Variants in CTIF observed in about 807,000 individuals in gnomAD.
The protein encoded by CTIF is CBP80/20-dependent translation initiation factor.
CTIF carries 21 observed loss-of-function variants against 66.0 expected under a neutral mutation model. The observed-to-expected ratio is 0.32, with a 90% CI of 0.23 to 0.46. The LOEUF (loss-of-function observed/expected upper bound fraction) is 0.46. Among genes scored for constraint, CTIF ranks in the 20% least tolerant of loss-of-function variants. The pLI is 1.00. For missense variants in CTIF, 739 were observed against 812.7 expected, an observed-to-expected ratio of 0.91 and a Z score of 1.10; for synonymous variants, 345 against 326.4, an observed-to-expected ratio of 1.06 and a Z score of -0.62.
chr18:48,609,980 GC>G (rs1047042442), intron 1 of CTIF, among the ~76,000 whole-genome samples: 6 of 152,126 alleles, frequency 3.9e-5, no homozygotes, highest in African/African-American at 1.4e-4. Context: ...CTGGAGGAAA[GC>G]CCGGGCCCAT....
intron 9 of CTIF, among the ~76,000 whole-genome samples, chr18:48,791,612 A>G (rs1469820449): frequency 1.4e-4 from 21 of 151,980 alleles, no homozygotes; most frequent in Admixed American, 1.4e-3. Context: ...GCTTGCCCAG[A>G]GACCCTGAGG....
intron 11 of CTIF, 25 bp from the exon 12 acceptor site, chr18:48,859,319 C>T (rs748012742): frequency 6.2e-7 from 1 of 1,610,428 alleles, no homozygotes; most frequent in Non-Finnish European, 8.5e-7. Context: ...CCGAGGCCAT[C>T]CTAACCCCAC....
At chr18:48,744,882 G>A (rs1316721698) in intron 7 of CTIF, among the ~76,000 whole-genome samples, 2 of 151,142 alleles carry the variant, frequency 1.3e-5, no homozygotes, top group Non-Finnish European at 2.9e-5. Context: ...GAGTGCAGTG[G>A]CGCAATCTTG....
At chr18:48,806,751 A>G (rs544723607) in intron 9 of CTIF, among the ~76,000 whole-genome samples, 23 of 152,326 alleles carry the variant, frequency 1.5e-4, no homozygotes, top group African/African-American at 5.0e-4. Flanking sequence ...CCACCATGCC[A>G]GAGCTCATGT....
chr18:48,614,396 G>A (rs575856922), intron 1 of CTIF, among the ~76,000 whole-genome samples: 1 of 152,306 alleles, frequency 6.6e-6, no homozygotes, highest in East Asian at 1.9e-4. Context: ...AGGGATCGTT[G>A]TACACTCATA....
chr18:48,563,679 C>G (rs1240465616), intron 1 of CTIF, among the ~76,000 whole-genome samples: 4 of 152,218 alleles, frequency 2.6e-5, no homozygotes, highest in African/African-American at 7.2e-5. Flanking sequence ...GCCATGTTGG[C>G]CAGGCTGGTC....
At chr18:48,840,523 G>A (rs937182514) in intron 10 of CTIF, among the ~76,000 whole-genome samples, 1 of 152,154 alleles carries the variant, frequency 6.6e-6, no homozygotes, top group African/African-American at 2.4e-5. Context: ...CAAACTTCCA[G>A]GTGCCAATTA....
intron 7 of CTIF, among the ~76,000 whole-genome samples, chr18:48,746,082 G>A (rs868447233): frequency 4.6e-5 from 7 of 152,344 alleles, no homozygotes; most frequent in Middle Eastern, 3.4e-3. Context: ...GGCGGCTGGC[G>A]GCGTTCTCCG....
chr18:48,856,568 TAGTC>T (rs769348734), intron 10 of CTIF, among the ~76,000 whole-genome samples: 67 of 152,350 alleles, frequency 4.4e-4, no homozygotes, highest in Non-Finnish European at 8.2e-4. Flanking sequence ...AATGGAATAT[TAGTC>T]AGCCACAGAA....
At chr18:48,720,984 C>T (rs143162601) in intron 7 of CTIF, among the ~76,000 whole-genome samples, 44 of 152,326 alleles carry the variant, frequency 2.9e-4, no homozygotes, top group African/African-American at 8.7e-4. Context: ...CCCACATCCA[C>T]GCGGGGGACA....
chr18:48,734,639 G>A (rs1022191072), intron 7 of CTIF, among the ~76,000 whole-genome samples: 8 of 152,188 alleles, frequency 5.3e-5, no homozygotes, highest in Admixed American at 1.3e-4. Context: ...TCATCATCAC[G>A]GCAACATTCT....
At chr18:48,766,188 G>A (rs994140504) in intron 9 of CTIF, among the ~76,000 whole-genome samples, 3 of 147,102 alleles carry the variant, frequency 2.0e-5, no homozygotes, top group Non-Finnish European at 4.4e-5. Context: ...AAACCGGAAT[G>A]TGCATATGAA....
intron 7 of CTIF, among the ~76,000 whole-genome samples, chr18:48,733,348 C>T (rs756647411): frequency 3.0e-4 from 46 of 152,170 alleles, no homozygotes; most frequent in Non-Finnish European, 5.6e-4. Context: ...TTCTGGGAGT[C>T]ACTGCCTCCA....
chr18:48,680,753 C>T (rs191064284), intron 6 of CTIF, among the ~76,000 whole-genome samples: 2 of 152,258 alleles, frequency 1.3e-5, no homozygotes, highest in Non-Finnish European at 2.9e-5. Context: ...CATCTTCCCT[C>T]CTCTGTCCTT....
At chr18:48,766,154 G>T (rs1342214103) in intron 9 of CTIF, among the ~76,000 whole-genome samples, 1 of 135,636 alleles carries the variant, frequency 7.4e-6, no homozygotes, top group Non-Finnish European at 1.5e-5. Context: ...CAAGCATGTT[G>T]TCTTTATTAG....
intron 2 of CTIF, among the ~76,000 whole-genome samples, chr18:48,620,413 G>C (rs2090472666): frequency 6.6e-6 from 1 of 152,202 alleles, no homozygotes; most frequent in African/African-American, 2.4e-5. Flanking sequence ...ATGCATTAAG[G>C]ATAGGGACCC....
chr18:48,708,311 CCT>C (rs1245915111), intron 6 of CTIF, among the ~76,000 whole-genome samples: 3 of 152,230 alleles, frequency 2.0e-5, no homozygotes, highest in African/African-American at 7.2e-5. Flanking sequence ...ACACTTGCCC[CCT>C]GTTAACACCC....
At chr18:48,636,125 A>C (rs1379076049) in intron 2 of CTIF, among the ~76,000 whole-genome samples, 1 of 152,182 alleles carries the variant, frequency 6.6e-6, no homozygotes, top group Admixed American at 6.5e-5. Context: ...TGTCTGAGCC[A>C]TGCTTCTAAT....
At chr18:48,592,922 C>T (rs547953937) in intron 1 of CTIF, among the ~76,000 whole-genome samples, 4 of 152,296 alleles carry the variant, frequency 2.6e-5, no homozygotes, top group South Asian at 2.1e-4. Context: ...GGCAGGCTGC[C>T]GCGGATCAGG....
Sources: allele counts gnomAD v4.1 joint callset (sites outside exome capture counted in the v4.1 genomes callset), GRCh38; gene constraint gnomAD v4.1.1; transcripts MANE v1.5; gene names NCBI Gene and HGNC (gene_info 2026-07-23, HGNC 2026-07-21).